CSMD1: variants seen among roughly 807,000 people sequenced by gnomAD.
The protein encoded by CSMD1 is CUB and sushi domain-containing protein 1.
A neutral mutation model predicts 417.5 loss-of-function variants in CSMD1; 213 were observed. The observed-to-expected ratio is 0.51, with a 90% CI of 0.46 to 0.57. CSMD1 has a LOEUF of 0.57. CSMD1 is among the 20% of genes least tolerant of loss of function. The probability of loss-of-function intolerance (pLI) is 0.00; values close to 1 mark genes in which losing one functional copy is unlikely to be tolerated. For synonymous variants in CSMD1, 2,862 were observed against 1,736.8 expected (o/e 1.65, Z -16.11); for missense variants, 6,923 against 4,529.7 (o/e 1.53, Z -15.17).
rs546595860 is a variant in CSMD1, at chr8:4,122,708, A to C, written c.416-90609T>G. ...GCAGCTGGGCATGGCTAAATGCTGT[A>C]ACCCAGGATTTTTTCCTAGAAGTAA... On this transcript the variant is annotated intron_variant, in intron 3 of 69. Coordinates refer to ENST00000635120, the MANE Select transcript of CSMD1 (RefSeq NM_033225.6). 2.0e-5 allele frequency among the ~76,000 whole-genome samples: 3 copies of C among 152,294 alleles called. No individual in the cohort carries two copies. In the South Asian group the frequency reaches 6.2e-4, roughly 32 times the overall value.
At chr8:4,576,404 C>T (rs932312777) in intron 2 of CSMD1, among the ~76,000 whole-genome samples, 8 of 152,234 alleles carry the variant, frequency 5.3e-5, no homozygotes, top group African/African-American at 1.9e-4. Flanking sequence ...ATTCCCCAGA[C>T]TAGATTACCT....
rs7011217 is a variant in CSMD1 at position 4,573,533 on chromosome 8, G to A, written c.302+63809C>T. Reference sequence around the variant, plus strand: ...GGGCACCTGAGAGATGCCATCCGGAGCTCTCCTGTATGAGATGTCTGTTGA... The same window carrying A: ...GGGCACCTGAGAGATGCCATCCGGAACTCTCCTGTATGAGATGTCTGTTGA... On this transcript the variant is annotated intron_variant, in intron 2 of 69. Transcript: ENST00000635120. Among the ~76,000 whole-genome samples, 663 of 152,264 alleles carry A rather than the reference G, an allele frequency of 4.4e-3. 4 individuals are homozygous for A. The highest frequency in any genetic ancestry group is 0.015 in the African/African-American group (640 of 41,556).
intron 1 of CSMD1, among the ~76,000 whole-genome samples, chr8:4,777,729 T>C (rs996723633): frequency 4.6e-5 from 7 of 152,202 alleles, no homozygotes; most frequent in Non-Finnish European, 4.4e-5. Flanking sequence ...ACCTAATGCA[T>C]GTGTGTTTCA....
At chr8:4,378,551 C>T (rs1376633443) in intron 3 of CSMD1, among the ~76,000 whole-genome samples, 3 of 152,162 alleles carry the variant, frequency 2.0e-5, no homozygotes, top group Admixed American at 2.0e-4. Context: ...ACCATTCTTC[C>T]TTTTAGCTTT....
chr8:3,473,839 C>T (rs1044897720), intron 11 of CSMD1, among the ~76,000 whole-genome samples: 1 of 152,222 alleles, frequency 6.6e-6, no homozygotes, highest in South Asian at 2.1e-4. Flanking sequence ...ATTTAACTGA[C>T]TCGTATTTCC....
intron 5 of CSMD1, among the ~76,000 whole-genome samples, chr8:3,992,129 T>A (rs1023722806): frequency 6.6e-6 from 1 of 151,406 alleles, no homozygotes; most frequent in East Asian, 1.9e-4. Context: ...TATATATGTG[T>A]GTGTGTGTGT....
chr8:3,682,190 TG>T (rs1799700426), intron 7 of CSMD1, among the ~76,000 whole-genome samples: 1 of 152,098 alleles, frequency 6.6e-6, no homozygotes, highest in African/African-American at 2.4e-5. Flanking sequence ...AATTGACAAA[TG>T]GGATCTAATT....
intron 7 of CSMD1, among the ~76,000 whole-genome samples, chr8:3,698,129 A>G (rs1800658177): frequency 6.6e-6 from 1 of 152,196 alleles, no homozygotes; most frequent in Non-Finnish European, 1.5e-5. Flanking sequence ...TCTAGTTCCC[A>G]GTGATGCTGT....
intron 5 of CSMD1, among the ~76,000 whole-genome samples, chr8:3,840,468 T>C (rs960671959): frequency 2.6e-5 from 4 of 152,260 alleles, no homozygotes; most frequent in Admixed American, 6.5e-5. Context: ...CTGAACATAA[T>C]AGGCATTCAA....
intron 51 of CSMD1, among the ~76,000 whole-genome samples, chr8:3,027,610 A>T (rs1477496796): frequency 1.3e-5 from 2 of 152,258 alleles, no homozygotes; most frequent in Non-Finnish European, 2.9e-5. Context: ...GTGATAGAAC[A>T]GCTCGTGCCC....
At chr8:4,579,532 T>G in intron 2 of CSMD1, among the ~76,000 whole-genome samples, 1 of 151,924 alleles carries the variant, frequency 6.6e-6, no homozygotes, top group East Asian at 1.9e-4. Flanking sequence ...CCAGCTAATT[T>G]TTTGTATTTT....
At chr8:3,478,576 C>G (rs141263225) in intron 11 of CSMD1, among the ~76,000 whole-genome samples, 3 of 152,194 alleles carry the variant, frequency 2.0e-5, no homozygotes, top group South Asian at 2.1e-4. Flanking sequence ...CATGGGGTGA[C>G]TTGTGGCCGA....
intron 6 of CSMD1, among the ~76,000 whole-genome samples, chr8:3,728,358 C>G (rs1228926626): frequency 6.6e-6 from 1 of 152,144 alleles, no homozygotes; most frequent in Non-Finnish European, 1.5e-5. Flanking sequence ...TCCATTAAAC[C>G]TCGTTCCTTT....
rs762627572 is a variant in CSMD1, at chr8:3,284,276, T to C, written c.4021A>G (p.Ser1341Gly). 4 of 1,613,834 alleles carry C rather than the reference T, an allele frequency of 2.5e-6. No individual in the cohort carries two copies. Among genetic ancestry groups the C allele is most frequent in the East Asian group, 2.2e-5 (1 of 44,878 alleles). ...ILKVWDGPVD[S>G]DILLKEWSGS... ...CTCCACTCCTTCAGCAGGATGTCACTGTCCACCGGCCCGTCCCAGACCTTG... is the reference window on the plus strand; with the variant it reads ...CTCCACTCCTTCAGCAGGATGTCACCGTCCACCGGCCCGTCCCAGACCTTG... The change falls in exon 26 of 70, where the codon AGT (serine) becomes GGT (glycine). Residue 1341 changes from serine (S) to glycine (G), a missense_variant. Coordinates refer to ENST00000635120, the MANE Select transcript of CSMD1 (RefSeq NM_033225.6).
At chr8:4,870,953 C>A (rs1385406948) in intron 1 of CSMD1, among the ~76,000 whole-genome samples, 2 of 152,068 alleles carry the variant, frequency 1.3e-5, no homozygotes, top group African/African-American at 4.8e-5. Flanking sequence ...CATTCAAATC[C>A]CCAGTGCTGA....
chr8:3,945,639 A>G (rs536955453), intron 5 of CSMD1, among the ~76,000 whole-genome samples: 1 of 152,230 alleles, frequency 6.6e-6, no homozygotes, highest in South Asian at 2.1e-4. Context: ...CACAGTATTA[A>G]CTAAGCCTGA....
chr8:4,859,373 A>G (rs1317160182), intron 1 of CSMD1, among the ~76,000 whole-genome samples: 2 of 152,210 alleles, frequency 1.3e-5, no homozygotes, highest in Non-Finnish European at 2.9e-5. Context: ...CTTCATGTCT[A>G]AAACACAAAA....
At chr8:3,057,485 CACTT>C (rs1170414640) in intron 49 of CSMD1, among the ~76,000 whole-genome samples, 1 of 152,026 alleles carries the variant, frequency 6.6e-6, no homozygotes, top group Non-Finnish European at 1.5e-5. Context: ...TATGTATACA[CACTT>C]ATAGCTATAT....
At chr8:3,787,627 T>C (rs1799517539) in intron 5 of CSMD1, among the ~76,000 whole-genome samples, 1 of 152,184 alleles carries the variant, frequency 6.6e-6, no homozygotes, top group Non-Finnish European at 1.5e-5. Flanking sequence ...TAAGTATTTT[T>C]ATTCCAAGGA....
Sources: allele counts gnomAD v4.1 joint callset (sites outside exome capture counted in the v4.1 genomes callset), GRCh38; gene constraint gnomAD v4.1.1; transcripts MANE v1.5; gene names NCBI Gene and HGNC (gene_info 2026-07-23, HGNC 2026-07-21).